Variants in TM9SF2 observed in about 807,000 individuals in gnomAD.
TM9SF2 encodes 76 kDa membrane protein.
Under a neutral mutation model 84.9 loss-of-function variants are expected in TM9SF2, and 13 were observed. The observed-to-expected ratio is 0.15, with a 90% CI of 0.10 to 0.24. The LOEUF (loss-of-function observed/expected upper bound fraction) is 0.24, where lower values mean the gene tolerates loss of function less well. TM9SF2 is among the 10% of genes least tolerant of loss of function. The pLI is 1.00. For missense variants in TM9SF2, 562 were observed against 818.5 expected (o/e 0.69, Z 3.82); for synonymous variants, 273 against 285.8 (o/e 0.96, Z 0.45).
chr13:99,545,255 A>G (rs1205106567), intron 10 of TM9SF2, among the ~76,000 whole-genome samples: 2 of 152,204 alleles, frequency 1.3e-5, no homozygotes, highest in Admixed American at 6.5e-5. Context: ...GAGCAGTATC[A>G]TTTTCAAATG....
At chr13:99,515,316 C>T (rs1468911946) in intron 1 of TM9SF2, among the ~76,000 whole-genome samples, 4 of 152,182 alleles carry the variant, frequency 2.6e-5, no homozygotes, top group African/African-American at 7.2e-5. Context: ...TTGACCCTTT[C>T]TAATTAGTGG....
chr13:99,545,825 A>C (rs1361855960), intron 10 of TM9SF2, among the ~76,000 whole-genome samples: 1 of 152,114 alleles, frequency 6.6e-6, no homozygotes, highest in Non-Finnish European at 1.5e-5. Context: ...TCGGCCTCCC[A>C]AAGTGCTGGG....
intron 1 of TM9SF2, among the ~76,000 whole-genome samples, chr13:99,509,431 C>T (rs983784784): frequency 6.6e-6 from 1 of 152,228 alleles, no homozygotes; most frequent in Non-Finnish European, 1.5e-5. Context: ...TACCTGGGCA[C>T]CCAGGTTTTC....
chr13:99,513,719 A>G (rs1034692781), intron 1 of TM9SF2, among the ~76,000 whole-genome samples: 1 of 152,206 alleles, frequency 6.6e-6, no homozygotes, highest in Non-Finnish European at 1.5e-5. Context: ...TTATTTTTAC[A>G]TTTTTAAGTG....
intron 1 of TM9SF2, among the ~76,000 whole-genome samples, chr13:99,511,165 T>C (rs976848525): frequency 6.6e-6 from 1 of 152,224 alleles, no homozygotes; most frequent in Non-Finnish European, 1.5e-5. Flanking sequence ...TTCTGGCTTT[T>C]AATTGTGACA....
intron 1 of TM9SF2, among the ~76,000 whole-genome samples, chr13:99,505,554 T>C (rs2046085506): frequency 6.6e-6 from 1 of 152,266 alleles, no homozygotes. Context: ...TTTGAAACCA[T>C]AGTAATAAAA....
rs559952308 is a variant in TM9SF2 at position 99,552,245 on chromosome 13, A to C, written c.1407A>C (p.Thr469=). ...CTTCAGCAGCTATTCCTTTTGGGAC[A>C]CTGGTTGCCATATTGGCCCTTTGGT... ...EGSSAAIPFG[T]LVAILALWFC... is the part of the protein sequence containing the mutation. Residue 469 remains threonine (T), a synonymous_variant, in exon 13 of 17, where the codon ACA becomes ACC. Coordinates refer to ENST00000376387, the MANE Select transcript of TM9SF2 (RefSeq NM_004800.3). 1 of 1,614,182 alleles carries C rather than the reference A, an allele frequency of 6.2e-7. No individual in the cohort carries two copies. Among genetic ancestry groups the C allele is most frequent in the South Asian group, 1.1e-5 (1 of 91,082 alleles).
intron 15 of TM9SF2, among the ~76,000 whole-genome samples, chr13:99,558,722 TTGTGTG>T (rs5806121): frequency 2.0e-5 from 3 of 150,884 alleles, no homozygotes; most frequent in Non-Finnish European, 3.0e-5. Context: ...CTGTTGCATT[TTGTGTG>T]TGTGTGTGTG....
At chr13:99,536,782 T>G (rs781201809) in intron 5 of TM9SF2, 45 bp downstream of exon 5, 2 of 1,604,618 alleles carry the variant, frequency 1.2e-6, no homozygotes, top group East Asian at 4.5e-5. Context: ...AACATGGCTT[T>G]TGATAGAATT....
chr13:99,521,428 G>A (rs761068560), intron 3 of TM9SF2, among the ~76,000 whole-genome samples: 2 of 152,162 alleles, frequency 1.3e-5, no homozygotes, highest in Non-Finnish European at 2.9e-5. Context: ...CTGGCTTCGC[G>A]TCTCTGCTAT....
chr13:99,538,876 G>T (rs2046245821), intron 6 of TM9SF2, among the ~76,000 whole-genome samples: 1 of 151,942 alleles, frequency 6.6e-6, no homozygotes, highest in Non-Finnish European at 1.5e-5. Context: ...ACCAGCCTGG[G>T]TGACAAAGCA....
At chr13:99,541,362 A>G (rs951013903) in intron 8 of TM9SF2, among the ~76,000 whole-genome samples, 197 bp from the exon 9 acceptor site, 60 of 152,264 alleles carry the variant, frequency 3.9e-4, no homozygotes, top group African/African-American at 1.4e-3. Flanking sequence ...CTGTATTATG[A>G]TAAGTATATA....
Position 99,501,552 on chromosome 13 carries a change from C to T in TM9SF2, c.-55C>T. 2 of 1,578,296 alleles carry T rather than the reference C, an allele frequency of 1.3e-6. No homozygotes were observed. The highest frequency in any genetic ancestry group is 1.1e-5 in the South Asian group (1 of 88,630). ...GTAGTCGTCTCCGAGACTCCCCACC[C>T]CTCCTTCCCTCTTGACCCCCTAGGT... On this transcript the variant is annotated 5_prime_UTR_variant, in exon 1 of 17. Coordinates refer to ENST00000376387, the MANE Select transcript of TM9SF2 (RefSeq NM_004800.3).
intron 14 of TM9SF2, among the ~76,000 whole-genome samples, chr13:99,554,940 G>A (rs1467993277): frequency 2.6e-5 from 4 of 152,114 alleles, no homozygotes; most frequent in African/African-American, 9.7e-5. Flanking sequence ...ATTCTCAGAT[G>A]CCTTCATTCT....
chr13:99,525,661 T>C (rs374170193), intron 3 of TM9SF2, among the ~76,000 whole-genome samples: 14 of 150,808 alleles, frequency 9.3e-5, no homozygotes, highest in African/African-American at 3.4e-4. Context: ...GTTCACACCA[T>C]TCTCCTGCCT....
At chr13:99,519,823 T>C (rs2046151438) in intron 2 of TM9SF2, among the ~76,000 whole-genome samples, 1 of 152,208 alleles carries the variant, frequency 6.6e-6, no homozygotes, top group Non-Finnish European at 1.5e-5. Context: ...GAGAATGTTA[T>C]TTAGAAAAAA....
At chr13:99,536,039 T>G (rs2046232528) in intron 4 of TM9SF2, among the ~76,000 whole-genome samples, 1 of 152,170 alleles carries the variant, frequency 6.6e-6, no homozygotes, top group East Asian at 1.9e-4. Context: ...TGTTTTCCTA[T>G]ATCTTGCAAT....
chr13:99,527,210 A>C (rs1457746151), intron 3 of TM9SF2, among the ~76,000 whole-genome samples: 1 of 152,148 alleles, frequency 6.6e-6, no homozygotes, highest in East Asian at 1.9e-4. Flanking sequence ...CAGAGGGTAG[A>C]GGGCATAATG....
chr13:99,501,700 C>G lies in TM9SF2; in HGVS notation c.94C>G (p.Arg32Gly). ...GCTGGGGGCGGTTCCTGGCCCGCGC[C>G]GGAGCGGCGCTTTCTACCTGCCCGG... ...LLLGAVPGPR[R>G]SGAFYLPGLA... The change falls in exon 1 of 17, where the codon CGG (arginine) becomes GGG (glycine). Residue 32 changes from arginine to glycine, a missense_variant. Physicochemically the swap from Arg to Gly is moderately radical, Grantham distance 125 (BLOSUM62 -2). Transcript: ENST00000376387. 6.2e-7 allele frequency: 1 copy of G among 1,611,606 alleles called. No homozygotes were observed. Among genetic ancestry groups the G allele is most frequent in the Non-Finnish European group, 8.5e-7 (1 of 1,179,540 alleles).
Sources: gnomAD v4.1 joint callset for allele counts (sites outside exome capture counted in the v4.1 genomes callset) on GRCh38, gnomAD v4.1.1 for gene constraint, MANE v1.5 for transcripts, NCBI Gene and HGNC (gene_info 2026-07-23, HGNC 2026-07-21) for gene names.